CACNA1F: variants seen among roughly 807,000 people sequenced by gnomAD.
CACNA1F encodes the protein calcium voltage-gated channel subunit alpha1 F.
CACNA1F carries 59 observed loss-of-function variants against 143.8 expected under a neutral mutation model. That is an observed-to-expected ratio of 0.41 (90% CI 0.33 to 0.51). CACNA1F has a LOEUF of 0.51. Among genes scored for constraint, CACNA1F ranks in the 20% least tolerant of loss-of-function variants. CACNA1F has a pLI of 0.22. For missense variants in CACNA1F, 1,411 were observed against 1,647.5 expected, an observed-to-expected ratio of 0.86 and a Z score of 2.48; for synonymous variants, 643 against 649.1, an observed-to-expected ratio of 0.99 and a Z score of 0.14.
chrX:49,215,591 T>A, intron 27 of CACNA1F, 48 bp from the exon 28 acceptor site: 1 of 830,734 alleles, frequency 1.2e-6, no homozygotes, highest in South Asian at 2.3e-5. Flanking sequence ...TGAGGGGATA[T>A]CCCAGCCCCC....
chrX:49,227,238 C>T lies in CACNA1F; in HGVS notation c.1119-111G>A, dbSNP rs2051954957. The T allele has an allele frequency of 7.9e-6, 5 of 633,352 alleles. No individual in the cohort carries two copies. In the South Asian group the frequency reaches 1.2e-4, roughly 15 times the overall value. 52.2% of individuals were successfully genotyped at this position (633,352 alleles called of 1,213,427 possible). A position where few individuals can be genotyped will look rare whatever the true frequency, so the allele number is the denominator to read the frequency against. On this transcript the variant is annotated intron_variant, in intron 8 of 47. Coordinates refer to ENST00000323022, the MANE Select transcript of CACNA1F (RefSeq NM_001256789.3). ...ACTCTTTGAATATGCCAAGCACATT[C>T]TAGCCTCAGGGCCTTTGCACTGACC...
intron 8 of CACNA1F, among the ~76,000 whole-genome samples, chrX:49,227,618 A>T (rs1203888629): frequency 8.9e-6 from 1 of 112,322 alleles, no homozygotes; most frequent in African/African-American, 3.2e-5. Context: ...GAGCCACTGC[A>T]CCTGGCCTCT....
chrX:49,226,574 C>T, intron 10 of CACNA1F, 36 bp downstream of exon 10: 2 of 1,162,466 alleles, frequency 1.7e-6, no homozygotes, highest in Non-Finnish European at 2.3e-6. Flanking sequence ...TCACCTCTGC[C>T]TACCCACCCC....
chrX:49,210,501 C>G, intron 38 of CACNA1F, 89 bp downstream of exon 38: 1 of 1,008,628 alleles, frequency 9.9e-7, no homozygotes, highest in Non-Finnish European at 1.4e-6. Flanking sequence ...CGATCAAACA[C>G]CCCTCCCCAC....
rs782592321 is a variant in CACNA1F, at chrX:49,211,996, A to C, written c.4009-7T>G. 2 of 1,195,354 alleles carry C rather than the reference A, an allele frequency of 1.7e-6. No individual in the cohort carries two copies. Among genetic ancestry groups the C allele is most frequent in the African/African-American group, 3.5e-5 (2 of 56,971 alleles). On this transcript the variant is annotated splice_region_variant and splice_polypyrimidine_tract_variant and intron_variant, in intron 34 of 47. Coordinates refer to ENST00000323022, the MANE Select transcript of CACNA1F (RefSeq NM_001256789.3). ...GAGCCACCTTGCCGAACATCTGTGG[A>C]CACATCAAGGCTGTGTCAGTGGGGT... is the stretch of plus-strand genomic sequence containing the variant.
At position 49,205,256 on chromosome X, in the gene CACNA1F, C is replaced by G; in HGVS notation, c.5782G>C (p.Ala1928Pro). 8.3e-7 allele frequency: 1 copy of G among 1,206,428 alleles called. No homozygotes were observed. Among genetic ancestry groups the G allele is most frequent in the East Asian group, 3.0e-5 (1 of 33,667 alleles). ...CRLTLDEMDNAASDLLAQGTS... is the reference protein window; with the variant it reads ...CRLTLDEMDNPASDLLAQGTS... ...CCCTGTGCCAGCAGGTCACTGGCAG[C>G]ATTGTCCATCTCATCCAGCGTCAGG... The change falls in exon 48 of 48, where the codon GCT (alanine) becomes CCT (proline). Residue 1928 changes from alanine (A) to proline (P), a missense_variant. Transcript: ENST00000323022.
intron 18 of CACNA1F, 145 bp downstream of exon 18, chrX:49,220,890 G>A (rs1557108615): frequency 1.8e-6 from 1 of 551,688 alleles, no homozygotes; most frequent in East Asian, 3.6e-5. Flanking sequence ...AGTGAGCCGA[G>A]ATGGCACAAC....
chrX:49,205,476 C>G, intron 47 of CACNA1F, 109 bp from the exon 48 acceptor site: 1 of 821,890 alleles, frequency 1.2e-6, no homozygotes, highest in South Asian at 2.2e-5. Context: ...CAGTGGGGGA[C>G]AGGGGTGAGC....
At chrX:49,214,393 C>T in intron 29 of CACNA1F, 124 bp from the exon 30 acceptor site, 2 of 521,353 alleles carry the variant, frequency 3.8e-6, no homozygotes, top group South Asian at 4.9e-5. Context: ...TTGGTCAAAC[C>T]TCTTGCACTG....
Position 49,227,072 on chromosome X carries a change from G to C in CACNA1F, c.1174C>G (p.Arg392Gly), listed in dbSNP as rs139250897. The C allele has an allele frequency of 2.5e-6, 3 of 1,204,298 alleles. No homozygotes were observed. Among genetic ancestry groups the C allele is most frequent in the Non-Finnish European group, 2.2e-6 (2 of 891,260 alleles). The change falls in exon 9 of 48, where the codon CGG (arginine) becomes GGG (glycine). Residue 392 changes from arginine (R) to glycine (G), a missense_variant. Arg to Gly is a moderately radical substitution (Grantham distance 125, BLOSUM62 -2). Coordinates refer to ENST00000323022, the MANE Select transcript of CACNA1F (RefSeq NM_001256789.3). ...TCTTCCTCCATCTGCTGCTTCTCCC[G>C]CTGCTTCTGGAAGTCCCCGCGAGCT... ...AKARGDFQKQ[R>G]EKQQMEEDLR...
At chrX:49,208,420 C>CCCCCCCCCCCCCA in intron 43 of CACNA1F, 95 bp downstream of exon 43, 3 of 317,324 alleles carry the variant, frequency 9.5e-6, no homozygotes, top group Non-Finnish European at 1.2e-5. Flanking sequence ...GGCCCTCCCT[C>CCCCCCCCCCCCCA]CCACCCCCCT....
Position 49,211,929 on chromosome X carries a change from T to A in CACNA1F, c.4069A>T (p.Thr1357Ser). 8.3e-7 allele frequency: 1 copy of A among 1,210,798 alleles called. No individual in the cohort carries two copies. Among genetic ancestry groups the A allele is most frequent in the Non-Finnish European group, 1.1e-6 (1 of 894,843 alleles). ...AGAAGCAGCACAGCCTGTGGAAAGG[T>A]CTGGAAGTTGTTGTTTCGGTTTATC... is the stretch of plus-strand genomic sequence containing the variant. ...TQINRNNNFQ[T>S]FPQAVLLLFR... The change falls in exon 35 of 48, where the codon ACC (threonine) becomes TCC (serine). Residue 1357 changes from threonine to serine, a missense_variant. Transcript: ENST00000323022.
intron 27 of CACNA1F, among the ~76,000 whole-genome samples, chrX:49,215,916 G>A (rs782059770): frequency 1.5e-4 from 16 of 106,363 alleles, no homozygotes; most frequent in South Asian, 4.3e-4. Flanking sequence ...AGCCCCCAAC[G>A]ATCTGTAAAT....
rs2065590024 is a variant in CACNA1F at position 49,205,827 on chromosome X, A to G, written c.5473-14T>C. The stretch of plus-strand genomic sequence containing the variant: ...TGCCCAGGAACCCTGAGCCAGAATA[A>G]ACATCAGAGGGGCAGGGATGGATGA... On this transcript the variant is annotated splice_polypyrimidine_tract_variant and intron_variant, in intron 46 of 47. Transcript: ENST00000323022. The G allele has an allele frequency of 2.5e-6, 3 of 1,182,829 alleles. No homozygotes were observed. Among genetic ancestry groups the G allele is most frequent in the Non-Finnish European group, 2.3e-6 (2 of 878,469 alleles).
At chrX:49,208,031 TGA>T (rs2065615830) in intron 43 of CACNA1F, among the ~76,000 whole-genome samples, 1 of 95,876 alleles carries the variant, frequency 1.0e-5, no homozygotes, top group Admixed American at 1.1e-4. Context: ...TCGTCTCTAC[TGA>T]AAAAAAAAAA....
Position 49,226,058 on chromosome X carries a change from C to T in CACNA1F, c.1502G>A (p.Arg501His), listed in dbSNP as rs782150503. The part of the protein sequence containing the change: ...IMKTRVCRRL[R>H]RANRVLRARC... ...TGCCCGAAGGACCCGGTTGGCTCGG[C>T]GGAGGCGGCGGCTGGGGGAAGGGGA... The change falls in exon 13 of 48, where the codon CGC becomes CAC. Residue 501 changes from arginine (R) to histidine (H), a missense_variant. Transcript: ENST00000323022. The T allele has an allele frequency of 9.3e-6, 11 of 1,186,761 alleles. No homozygotes were observed. In the African/African-American group the frequency reaches 1.1e-4, roughly 12 times the overall value.
At position 49,215,258 on chromosome X, in the gene CACNA1F, C is replaced by G; in HGVS notation, c.3439-14G>C. 8.3e-7 allele frequency: 1 copy of G among 1,210,434 alleles called. No individual in the cohort carries two copies. The highest frequency in any genetic ancestry group is 3.0e-5 in the East Asian group (1 of 33,816). ...CACACATTGACGCTGCATACCAGGG[C>G]AGGGCATGAGTGAGCAGTGGGGTCC... On this transcript the variant is annotated splice_polypyrimidine_tract_variant and intron_variant, in intron 28 of 47. Coordinates refer to ENST00000323022, the MANE Select transcript of CACNA1F (RefSeq NM_001256789.3).
chrX:49,222,611 G>A lies in CACNA1F; in HGVS notation c.2207-8C>T. On this transcript the variant is annotated splice_region_variant and splice_polypyrimidine_tract_variant and intron_variant, in intron 16 of 47. Coordinates refer to ENST00000323022, the MANE Select transcript of CACNA1F (RefSeq NM_001256789.3). ...ACACGTTCAACAGGATGTCTGGGAT[G>A]AGCTTAGGCTGCAAAGGATGGAGAA... is the stretch of plus-strand genomic sequence containing the variant. The A allele has an allele frequency of 8.3e-7, 1 of 1,209,508 alleles. No homozygotes were observed. The highest frequency in any genetic ancestry group is 1.1e-6 in the Non-Finnish European group (1 of 893,789).
intron 43 of CACNA1F, 100 bp downstream of exon 43, chrX:49,208,415 T>TCCCC: frequency 1.4e-5 from 2 of 138,731 alleles, no homozygotes; most frequent in Non-Finnish European, 2.8e-5. Flanking sequence ...CTCTAGGCCC[T>TCCCC]CCCTCCCACC....
Sources: allele counts gnomAD v4.1 joint callset (sites outside exome capture counted in the v4.1 genomes callset), GRCh38; gene constraint gnomAD v4.1.1; transcripts MANE v1.5; gene names NCBI Gene and HGNC (gene_info 2026-07-23, HGNC 2026-07-21).